The following OSTN variants were observed in gnomAD, a reference collection of about 807,000 sequenced individuals.
The protein encoded by OSTN is osteocrin.
A neutral mutation model predicts 12.0 loss-of-function variants in OSTN; 9 were observed. The ratio of observed to expected loss-of-function variants is 0.75; its 90% CI spans 0.45 to 1.30. The LOEUF is 1.30. OSTN is among the 50% of genes most tolerant of loss of function. The pLI is 0.00. For synonymous variants in OSTN, 59 were observed against 56.9 expected (o/e 1.04, Z -0.16); for missense variants, 148 against 152.3 (o/e 0.97, Z 0.15).
intron 3 of OSTN, among the ~76,000 whole-genome samples, chr3:191,248,732 G>T (rs547725462): frequency 1.2e-4 from 19 of 152,270 alleles, no homozygotes; most frequent in African/African-American, 3.9e-4. Flanking sequence ...GATCGCTTGT[G>T]CTCAGGAGTT....
intron 3 of OSTN, among the ~76,000 whole-genome samples, chr3:191,219,429 A>G (rs1406007063): frequency 6.6e-6 from 1 of 152,196 alleles, no homozygotes; most frequent in African/African-American, 2.4e-5. Flanking sequence ...GTTTCTGTCA[A>G]ATTTCTGTTT....
chr3:191,225,006 G>T (rs1237667510), intron 3 of OSTN, among the ~76,000 whole-genome samples: 1 of 151,980 alleles, frequency 6.6e-6, no homozygotes, highest in African/African-American at 2.4e-5. Context: ...AAATCAGTAA[G>T]TTTATAAAGC....
rs917369320 is a variant in OSTN at position 191,206,111 on chromosome 3, G to A, written c.1-6422G>A. ...AGGCAGGAGAATCTTGCTGGAACCT[G>A]GGAAGCGGAGGTTGCAGTGAGCCAA... On this transcript the variant is annotated intron_variant, in intron 1 of 4. Coordinates refer to ENST00000682035, the MANE Select transcript of OSTN (RefSeq NM_198184.2). Among the ~76,000 whole-genome samples, 5 of 151,982 alleles carry A rather than the reference G, an allele frequency of 3.3e-5. 1 individual carries two copies. In the East Asian group the frequency reaches 9.7e-4, roughly 29 times the overall value.
chr3:191,200,991 G>C (rs1434074564), intron 1 of OSTN, among the ~76,000 whole-genome samples: 1 of 152,072 alleles, frequency 6.6e-6, no homozygotes, highest in Non-Finnish European at 1.5e-5. Flanking sequence ...AGCTTGTGGG[G>C]ATACAACAAG....
rs1715876827 is a variant in OSTN at position 191,264,499 on chromosome 3, A to T, written c.*1646A>T. The T allele has an allele frequency of 6.6e-6, 1 of 152,168 alleles. No individual in the cohort carries two copies. The highest frequency in any genetic ancestry group is 1.5e-5 in the Non-Finnish European group (1 of 67,988). 9.4% of individuals were successfully genotyped at this position (152,168 alleles called of 1,614,324 possible). On this transcript the variant is annotated 3_prime_UTR_variant, in exon 5 of 5. Transcript: ENST00000682035. ...AAATAATTTTTTTTCATTGTAGTAG[A>T]GGGCTGTAGCCAAGAGAAGTGAATT...
intron 3 of OSTN, among the ~76,000 whole-genome samples, chr3:191,221,094 G>A (rs888196693): frequency 1.6e-4 from 25 of 152,124 alleles, no homozygotes; most frequent in East Asian, 1.2e-3. Context: ...TATAAGAGGC[G>A]TTCTCCCTTT....
At chr3:191,223,939 G>A (rs9883559) in intron 3 of OSTN, among the ~76,000 whole-genome samples, 17,564 of 151,878 alleles carry the variant, frequency 0.12, 1,208 homozygotes, top group Non-Finnish European at 0.16. Context: ...TTTGAGAGAT[G>A]CAATTAAAAA....
intron 3 of OSTN, among the ~76,000 whole-genome samples, chr3:191,241,166 A>AATTTTTTTTTT (rs1378328058): frequency 2.1e-5 from 1 of 48,374 alleles, no homozygotes; most frequent in South Asian, 8.8e-4. Context: ...CTGTGCCTTG[A>AATTTTTTTTTT]CTTTTTTTTT....
At chr3:191,253,276 C>T (rs1715600330) in intron 4 of OSTN, among the ~76,000 whole-genome samples, 3 of 152,256 alleles carry the variant, frequency 2.0e-5, no homozygotes, top group South Asian at 4.1e-4. Context: ...TTTAACACTT[C>T]CTATTAAAAG....
chr3:191,230,562 CAAAAAAA>C (rs35542147), intron 3 of OSTN, among the ~76,000 whole-genome samples: 5 of 36,448 alleles, frequency 1.4e-4, no homozygotes, highest in African/African-American at 3.0e-4. Flanking sequence ...GACTCCGTCT[CAAAAAAA>C]AAAAAAAAAA....
At chr3:191,235,982 T>A (rs1183414902) in intron 3 of OSTN, among the ~76,000 whole-genome samples, 1 of 152,220 alleles carries the variant, frequency 6.6e-6, no homozygotes. Flanking sequence ...AGTGTTTTTC[T>A]CAAAGCCCTT....
At chr3:191,243,216 T>C (rs1004392810) in intron 3 of OSTN, among the ~76,000 whole-genome samples, 2 of 152,166 alleles carry the variant, frequency 1.3e-5, no homozygotes, top group Non-Finnish European at 2.9e-5. Context: ...GTTCGTAAAT[T>C]TGTACAATAA....
At chr3:191,260,387 A>G (rs1715779940) in intron 4 of OSTN, among the ~76,000 whole-genome samples, 2 of 152,024 alleles carry the variant, frequency 1.3e-5, no homozygotes, top group Admixed American at 1.3e-4. Context: ...TCCCCCACCA[A>G]AAATCTCACT....
rs139417341 is a variant in OSTN at position 191,203,925 on chromosome 3, T to C, written c.-1+4618T>C. 1.8e-3 allele frequency among the ~76,000 whole-genome samples: 276 copies of C among 152,330 alleles called. 3 individuals are homozygous for C. Among genetic ancestry groups the C allele is most frequent in the Admixed American group, 0.013 (197 of 15,302 alleles). The stretch of plus-strand genomic sequence containing the variant: ...ATTTTGAGATGGAGTTTCGCTCTTG[T>C]TGGCCAAGCTGGAGTGCAATGGCGC... On this transcript the variant is annotated intron_variant, in intron 1 of 4. Transcript: ENST00000682035.
chr3:191,208,287 T>C (rs1349809799), intron 1 of OSTN, among the ~76,000 whole-genome samples: 2 of 152,166 alleles, frequency 1.3e-5, no homozygotes, highest in African/African-American at 4.8e-5. Flanking sequence ...TCAACAAAAA[T>C]AGGAAAATGG....
At chr3:191,246,603 TC>T (rs1715437243) in intron 3 of OSTN, among the ~76,000 whole-genome samples, 1 of 60,684 alleles carries the variant, frequency 1.6e-5, no homozygotes, top group African/African-American at 4.7e-5. Context: ...AGACCCTGTA[TC>T]AAAAAAAAAA....
intron 3 of OSTN, among the ~76,000 whole-genome samples, chr3:191,237,006 C>T (rs1576933891): frequency 6.6e-6 from 1 of 152,278 alleles, no homozygotes; most frequent in South Asian, 2.1e-4. Flanking sequence ...AAGGCCGTGA[C>T]TTTCCACTTA....
chr3:191,212,663 T>C, intron 2 of OSTN, 29 bp downstream of exon 2: 1 of 1,198,880 alleles, frequency 8.3e-7, no homozygotes, highest in Non-Finnish European at 1.1e-6. Flanking sequence ...CAGAAATAAA[T>C]ATACATGTTT....
At chr3:191,199,672 C>T (rs545274305) in intron 1 of OSTN, among the ~76,000 whole-genome samples, 3 of 151,958 alleles carry the variant, frequency 2.0e-5, no homozygotes, top group Non-Finnish European at 4.4e-5. Flanking sequence ...TCTAAACAAC[C>T]TAGGTAAAAA....
Sources: gnomAD v4.1 joint callset for allele counts (sites outside exome capture counted in the v4.1 genomes callset) on GRCh38, gnomAD v4.1.1 for gene constraint, MANE v1.5 for transcripts, NCBI Gene and HGNC (gene_info 2026-07-23, HGNC 2026-07-21) for gene names.